The following ADAMTS18 variants were observed in gnomAD, a reference collection of about 807,000 sequenced individuals.
The protein encoded by ADAMTS18 is A disintegrin and metalloproteinase with thrombospondin motifs 18.
ADAMTS18 carries 157 observed loss-of-function variants against 165.9 expected under a neutral mutation model. The observed-to-expected ratio is 0.95, with a 90% CI of 0.83 to 1.08. The LOEUF (loss-of-function observed/expected upper bound fraction) is 1.08. Among genes scored for constraint, ADAMTS18 ranks in the 50% least tolerant of loss-of-function variants. ADAMTS18 has a pLI of 0.00. For missense variants in ADAMTS18, 2,040 were observed against 1,534.0 expected (o/e 1.33, Z -5.51); for synonymous variants, 782 against 578.2 (o/e 1.35, Z -5.06).
At chr16:77,425,413 C>T (rs1400174103) in intron 3 of ADAMTS18, among the ~76,000 whole-genome samples, 1 of 152,156 alleles carries the variant, frequency 6.6e-6, no homozygotes, top group African/African-American at 2.4e-5. Flanking sequence ...GGTAATCAGA[C>T]ACCGGGCAGA....
At chr16:77,322,030 C>T (rs1003429806) in intron 14 of ADAMTS18, among the ~76,000 whole-genome samples, 1 of 151,872 alleles carries the variant, frequency 6.6e-6, no homozygotes, top group African/African-American at 2.4e-5. Flanking sequence ...TGGCATGCAC[C>T]TGTAATCCCA....
intron 10 of ADAMTS18, among the ~76,000 whole-genome samples, chr16:77,351,261 T>C (rs777555566): frequency 6.6e-6 from 1 of 152,170 alleles, no homozygotes; most frequent in Non-Finnish European, 1.5e-5. Flanking sequence ...CTTAAATCAT[T>C]TCTCTCTTAA....
intron 11 of ADAMTS18, among the ~76,000 whole-genome samples, chr16:77,339,274 G>A (rs2056361840): frequency 6.6e-6 from 1 of 152,072 alleles, no homozygotes; most frequent in Admixed American, 6.6e-5. Flanking sequence ...GATGATGGAT[G>A]GAACTTATTA....
intron 3 of ADAMTS18, among the ~76,000 whole-genome samples, chr16:77,386,832 T>C (rs1299825859): frequency 2.0e-5 from 3 of 152,188 alleles, no homozygotes; most frequent in Non-Finnish European, 2.9e-5. Context: ...CATGCAAATA[T>C]GAGAAAACAT....
chr16:77,382,974 A>G (rs894399648), intron 3 of ADAMTS18, among the ~76,000 whole-genome samples: 4 of 152,158 alleles, frequency 2.6e-5, no homozygotes, highest in African/African-American at 7.2e-5. Flanking sequence ...GAATTTTGTG[A>G]TCCAATGTTG....
intron 22 of ADAMTS18, among the ~76,000 whole-genome samples, chr16:77,288,531 C>G (rs1266980454): frequency 6.6e-6 from 1 of 152,220 alleles, no homozygotes; most frequent in African/African-American, 2.4e-5. Flanking sequence ...TTCCATTTTC[C>G]TATCAGTACT....
At chr16:77,307,620 G>C (rs532666920) in intron 16 of ADAMTS18, among the ~76,000 whole-genome samples, 1 of 152,310 alleles carries the variant, frequency 6.6e-6, no homozygotes, top group Non-Finnish European at 1.5e-5. Flanking sequence ...GCAATCTCTA[G>C]ACAAATGACG....
At chr16:77,318,491 T>C (rs1271328506) in intron 16 of ADAMTS18, among the ~76,000 whole-genome samples, 1 of 152,176 alleles carries the variant, frequency 6.6e-6, no homozygotes, top group Non-Finnish European at 1.5e-5. Flanking sequence ...GGGGATTAAG[T>C]AACAATACCT....
chr16:77,307,551 C>T (rs2055703426), intron 16 of ADAMTS18, among the ~76,000 whole-genome samples: 1 of 152,172 alleles, frequency 6.6e-6, no homozygotes, highest in Non-Finnish European at 1.5e-5. Flanking sequence ...TGTTCTCTAA[C>T]CCGTCACAAA....
intron 3 of ADAMTS18, among the ~76,000 whole-genome samples, chr16:77,392,392 G>A (rs1440179444): frequency 6.6e-6 from 1 of 152,112 alleles, no homozygotes; most frequent in African/African-American, 2.4e-5. Flanking sequence ...GTGCTCCAGT[G>A]TGGAGCATTT....
Position 77,367,545 on chromosome 16 carries a change from G to C in ADAMTS18, c.674C>G (p.Pro225Arg), listed in dbSNP as rs1319190685. Residue 225 changes from proline to arginine, a missense_variant, in exon 4 of 23, where the codon CCT (proline) becomes CGT (arginine). By Grantham distance (103) the Pro-to-Arg change is moderately radical. Transcript: ENST00000282849. ...GGGAATGTGACTTGGGGAGTAACCA[G>C]GATAATTCCGGCCAGAGCCGGGGTA... ...RGYPGSGRNYPGYSPSHIPHA... is the reference protein window; with the variant it reads ...RGYPGSGRNYRGYSPSHIPHA... 9.3e-6 allele frequency: 15 copies of C among 1,614,140 alleles called. No homozygotes were observed. The Admixed American group carries it at 1.2e-4, about 13-fold the overall frequency.
intron 16 of ADAMTS18, among the ~76,000 whole-genome samples, chr16:77,316,161 G>A (rs1384185600): frequency 2.0e-5 from 3 of 152,070 alleles, no homozygotes; most frequent in Non-Finnish European, 2.9e-5. Context: ...CTGTTTCAGC[G>A]TCTATTACTC....
chr16:77,416,221 C>G (rs887938512), intron 3 of ADAMTS18, among the ~76,000 whole-genome samples: 7 of 152,024 alleles, frequency 4.6e-5, no homozygotes, highest in African/African-American at 1.7e-4. Context: ...AGTGCAGTCA[C>G]TGAGGTAGGA....
At chr16:77,352,339 G>A (rs912413490) in intron 10 of ADAMTS18, among the ~76,000 whole-genome samples, 3 of 152,130 alleles carry the variant, frequency 2.0e-5, no homozygotes, top group Non-Finnish European at 4.4e-5. Flanking sequence ...ATTAATGACT[G>A]AAGTTTAGGA....
intron 12 of ADAMTS18, among the ~76,000 whole-genome samples, chr16:77,335,154 TATAAAAATGAA>T: frequency 6.6e-6 from 1 of 150,546 alleles, no homozygotes; most frequent in East Asian, 1.9e-4. Flanking sequence ...ATTCAGCCAT[TATAAAAATGAA>T]ATCCTGTTAT....
intron 3 of ADAMTS18, among the ~76,000 whole-genome samples, chr16:77,422,676 G>C (rs1042887533): frequency 6.6e-6 from 1 of 151,926 alleles, no homozygotes; most frequent in Non-Finnish European, 1.5e-5. Flanking sequence ...GGAAGGAAAG[G>C]ATGAATTAGG....
At chr16:77,309,698 G>T (rs1339747161) in intron 16 of ADAMTS18, among the ~76,000 whole-genome samples, 1 of 152,064 alleles carries the variant, frequency 6.6e-6, no homozygotes, top group Non-Finnish European at 1.5e-5. Flanking sequence ...TTATTTCTTG[G>T]GGTTAACTGA....
intron 13 of ADAMTS18, among the ~76,000 whole-genome samples, chr16:77,324,969 C>G (rs925933798): frequency 5.9e-5 from 9 of 152,014 alleles, no homozygotes; most frequent in Admixed American, 3.3e-4. Context: ...TAGGCTGATA[C>G]TGAGCAAAGC....
rs771423435 is a variant in ADAMTS18, at chr16:77,283,942, G to A, written c.*14C>T. 1.9e-6 allele frequency: 3 copies of A among 1,604,656 alleles called. No individual in the cohort carries two copies. Among genetic ancestry groups the A allele is most frequent in the Admixed American group, 1.7e-5 (1 of 59,980 alleles). On this transcript the variant is annotated 3_prime_UTR_variant, in exon 23 of 23. Transcript: ENST00000282849. ...TAAGCCCCTGGCCCTAAGGTGCTGG[G>A]GAGGACACCAAGATCAGATCTTCCT...
Sources: gnomAD v4.1 joint callset for allele counts (sites outside exome capture counted in the v4.1 genomes callset) on GRCh38, gnomAD v4.1.1 for gene constraint, MANE v1.5 for transcripts, NCBI Gene and HGNC (gene_info 2026-07-23, HGNC 2026-07-21) for gene names.